TTC39B: variants seen among roughly 807,000 people sequenced by gnomAD.
The protein encoded by TTC39B is tetratricopeptide repeat protein 39B.
Under a neutral mutation model 96.6 loss-of-function variants are expected in TTC39B, and 92 were observed. That is an observed-to-expected ratio of 0.95 (90% CI 0.80 to 1.13). The LOEUF is 1.13. Ranked by LOEUF, TTC39B falls within the 50% of genes most tolerant of loss-of-function variation. TTC39B has a pLI of 0.00. For synonymous variants in TTC39B, 367 were observed against 299.4 expected (o/e 1.23, Z -2.33); for missense variants, 955 against 809.3 (o/e 1.18, Z -2.18).
intron 6 of TTC39B, 24 bp downstream of exon 6, chr9:15,210,064 A>G (rs1201800828): frequency 1.3e-6 from 2 of 1,531,136 alleles, no homozygotes; most frequent in African/African-American, 1.4e-5. Context: ...CAAGGAAAAA[A>G]GTGATCTTTT....
At chr9:15,176,516 A>G (rs1387553308) in intron 18 of TTC39B, among the ~76,000 whole-genome samples, 1 of 152,190 alleles carries the variant, frequency 6.6e-6, no homozygotes, top group Non-Finnish European at 1.5e-5. Flanking sequence ...GTGGCCACGG[A>G]TGGAAAGGCA....
chr9:15,302,734 C>T (rs1168136885), intron 1 of TTC39B, among the ~76,000 whole-genome samples: 1 of 151,812 alleles, frequency 6.6e-6, no homozygotes. Context: ...ATCCAAGCTA[C>T]TCGGGAGGCT....
chr9:15,187,755 T>G (rs896770173), intron 14 of TTC39B, among the ~76,000 whole-genome samples: 4 of 152,242 alleles, frequency 2.6e-5, no homozygotes, highest in Admixed American at 1.3e-4. Flanking sequence ...CCATCGCATT[T>G]GGCCCTGAAA....
chr9:15,225,388 T>A (rs190178713), intron 3 of TTC39B, among the ~76,000 whole-genome samples: 24 of 152,266 alleles, frequency 1.6e-4, no homozygotes, highest in Non-Finnish European at 7.4e-5. Context: ...AATGAACACT[T>A]CTTAAAATAT....
intron 1 of TTC39B, among the ~76,000 whole-genome samples, chr9:15,289,340 T>C (rs988637409): frequency 1.3e-5 from 2 of 152,214 alleles, no homozygotes; most frequent in African/African-American, 4.8e-5. Flanking sequence ...AAAACTCTAG[T>C]CATATGAATG....
chr9:15,273,379 G>A (rs1823424986), intron 1 of TTC39B, among the ~76,000 whole-genome samples: 1 of 152,136 alleles, frequency 6.6e-6, no homozygotes, highest in Non-Finnish European at 1.5e-5. Flanking sequence ...AAAGGAAGTA[G>A]GAAGTAACAT....
chr9:15,165,539 G>T (rs1357434754), exon 20 of TTC39B: 1 of 152,162 alleles, frequency 6.6e-6, no homozygotes, highest in Non-Finnish European at 1.5e-5. Context: ...AAATATCTGA[G>T]ACTGGATAAT....
At position 15,307,154 on chromosome 9, in the gene TTC39B, A is replaced by C. The variant is rs546349081; in HGVS notation, c.170T>G (p.Phe57Cys). 51 of 1,605,400 alleles carry C rather than the reference A, an allele frequency of 3.2e-5. No individual in the cohort carries two copies. In the African/African-American group the frequency reaches 6.2e-4, roughly 19 times the overall value. Reference sequence around the variant, plus strand: ...CCTCCTCTGGCTGCTGCCACCCAAAAACCAAGCAGGGAACTCAGAGCCGAC... The same window carrying C: ...CCTCCTCTGGCTGCTGCCACCCAAACACCAAGCAGGGAACTCAGAGCCGAC... Residue 57 changes from phenylalanine (F) to cysteine (C), a missense_variant, in exon 1 of 20, where the codon TTT becomes TGT. Coordinates refer to ENST00000512701, the Ensembl canonical transcript of TTC39B.
chr9:15,183,961 G>A (rs1429741723), intron 16 of TTC39B, among the ~76,000 whole-genome samples: 3 of 152,120 alleles, frequency 2.0e-5, no homozygotes, highest in Non-Finnish European at 4.4e-5. Context: ...GGTGCTAGGC[G>A]CAGGCTAACT....
intron 1 of TTC39B, among the ~76,000 whole-genome samples, chr9:15,275,042 GT>G (rs546113740): frequency 3.0e-3 from 427 of 143,640 alleles, no homozygotes; most frequent in Middle Eastern, 3.7e-3. Flanking sequence ...CGTAAATTCT[GT>G]TTTTTTTTTT....
intron 17 of TTC39B, among the ~76,000 whole-genome samples, chr9:15,178,025 A>G (rs1818047527): frequency 6.6e-6 from 1 of 151,748 alleles, no homozygotes; most frequent in South Asian, 2.1e-4. Flanking sequence ...GCCCACCACC[A>G]CGCCCGGCTA....
exon 17 of TTC39B, chr9:15,182,405 T>A: frequency 6.2e-7 from 1 of 1,608,894 alleles, no homozygotes; most frequent in Non-Finnish European, 8.5e-7. Flanking sequence ...ATTCCAGACA[T>A]ACATCATTTC....
intron 1 of TTC39B, among the ~76,000 whole-genome samples, chr9:15,271,417 G>C (rs1464245047): frequency 2.0e-5 from 3 of 152,226 alleles, no homozygotes; most frequent in African/African-American, 4.8e-5. Flanking sequence ...TTTCATGGGA[G>C]ACAATTTTTC....
At chr9:15,285,811 C>T (rs1377347765) in intron 1 of TTC39B, among the ~76,000 whole-genome samples, 1 of 152,014 alleles carries the variant, frequency 6.6e-6, no homozygotes, top group African/African-American at 2.4e-5. Context: ...GCCGAGATCG[C>T]GTGACTGCAC....
intron 3 of TTC39B, among the ~76,000 whole-genome samples, chr9:15,218,094 A>G (rs145163044): frequency 1.2e-3 from 180 of 147,460 alleles, no homozygotes; most frequent in Non-Finnish European, 1.9e-3. Flanking sequence ...TGTAATCCCA[A>G]CCACTGCGGA....
chr9:15,284,795 C>G (rs1193652263), intron 1 of TTC39B, among the ~76,000 whole-genome samples: 8 of 152,000 alleles, frequency 5.3e-5, no homozygotes, highest in Admixed American at 3.3e-4. Context: ...GGATTTAAAT[C>G]TTTTACAGTG....
chr9:15,240,422 C>G (rs1450433290), intron 2 of TTC39B, among the ~76,000 whole-genome samples: 7 of 152,312 alleles, frequency 4.6e-5, no homozygotes. Flanking sequence ...CTTACAAAGC[C>G]TTCCTCAATC....
intron 3 of TTC39B, 76 bp from the exon 4 acceptor site, chr9:15,214,325 T>A: frequency 1.2e-6 from 1 of 803,766 alleles, no homozygotes; most frequent in Non-Finnish European, 2.0e-6. Context: ...AGTGTGTGTG[T>A]GTGTGTGTGT....
chr9:15,182,528 A>G (rs1371269071), intron 16 of TTC39B, 113 bp from the exon 17 acceptor site: 2 of 597,952 alleles, frequency 3.3e-6, no homozygotes, highest in South Asian at 2.8e-5. Flanking sequence ...CCTCAGGACA[A>G]TATTTACAGA....
Sources: gnomAD v4.1 joint callset for allele counts (sites outside exome capture counted in the v4.1 genomes callset) on GRCh38, gnomAD v4.1.1 for gene constraint, MANE v1.5 for transcripts, NCBI Gene and HGNC (gene_info 2026-07-23, HGNC 2026-07-21) for gene names.